Variants in GATAD2B observed in about 807,000 individuals in gnomAD.
The protein encoded by GATAD2B is transcriptional repressor p66-beta.
Under a neutral mutation model 64.3 loss-of-function variants are expected in GATAD2B, and 8 were observed. That is an observed-to-expected ratio of 0.12 (90% confidence interval 0.07 to 0.22). GATAD2B has a LOEUF of 0.22. GATAD2B is among the 10% of genes least tolerant of loss of function. The probability of loss-of-function intolerance (pLI) is 1.00; values close to 1 mark genes in which losing one functional copy is unlikely to be tolerated. For missense variants in GATAD2B, 453 were observed against 752.0 expected, an observed-to-expected ratio of 0.60 and a Z score of 4.65; for synonymous variants, 281 against 271.3, an observed-to-expected ratio of 1.04 and a Z score of -0.35.
intron 1 of GATAD2B, among the ~76,000 whole-genome samples, chr1:153,872,553 CAAA>C (rs556951338): frequency 2.1e-5 from 3 of 143,180 alleles, no homozygotes; most frequent in Non-Finnish European, 4.6e-5. Context: ...TACATAATAT[CAAA>C]AAAAAAAAAC....
intron 4 of GATAD2B, 60 bp from the exon 5 acceptor site, chr1:153,818,231 A>C: frequency 6.9e-7 from 1 of 1,457,746 alleles, no homozygotes; most frequent in Non-Finnish European, 9.3e-7. Flanking sequence ...AATTTGGTAC[A>C]TTTCTAGACT....
chr1:153,863,113 T>C (rs1292996212), intron 1 of GATAD2B, among the ~76,000 whole-genome samples: 3 of 152,156 alleles, frequency 2.0e-5, no homozygotes, highest in Non-Finnish European at 4.4e-5. Context: ...GGCTAAGGAA[T>C]CTGCATTTTT....
At chr1:153,919,912 A>G (rs1678380593) in intron 1 of GATAD2B, among the ~76,000 whole-genome samples, 1 of 152,246 alleles carries the variant, frequency 6.6e-6, no homozygotes, top group Admixed American at 6.5e-5. Context: ...AAAGTCCCTC[A>G]GTCCCAGTTA....
At chr1:153,884,871 C>T (rs557288418) in intron 1 of GATAD2B, among the ~76,000 whole-genome samples, 5 of 152,012 alleles carry the variant, frequency 3.3e-5, no homozygotes, top group African/African-American at 7.2e-5. Flanking sequence ...ATTCTCCTGC[C>T]TCAGCCTCCC....
In GATAD2B at chr1:153,870,014, G is replaced by A. The variant is rs116494188; in HGVS notation, c.-1-41666C>T. On this transcript the variant is annotated intron_variant, in intron 1 of 10. Coordinates refer to ENST00000368655, the MANE Select transcript of GATAD2B (RefSeq NM_020699.4). The stretch of plus-strand genomic sequence containing the variant: ...GGCTCTGTCATCCAGGCACAATCTC[G>A]GCTCACTGCAACCTCTGCCTCCCAG... 6.5e-3 allele frequency among the ~76,000 whole-genome samples: 983 copies of A among 151,994 alleles called. 13 individuals carry two copies. Among genetic ancestry groups the A allele is most frequent in the African/African-American group, 0.023 (939 of 41,472 alleles).
Position 153,816,246 on chromosome 1 carries a change from TAG to T in GATAD2B, c.1216+25_1216+26del. 6.6e-7 allele frequency: 1 copy of T among 1,513,392 alleles called. No individual in the cohort carries two copies. Among genetic ancestry groups the T allele is most frequent in the South Asian group, 1.1e-5 (1 of 87,534 alleles). The allele number at this position is 1,513,392 out of a possible 1,614,324, so 93.7% of individuals were successfully genotyped here. ...CAGGCTTGGCAACCACTTGCTTAAA[TAG>T]ATTGATTAGAAGAAACAGCCTTACC... is the stretch of plus-strand genomic sequence containing the variant. On this transcript the variant is annotated intron_variant, in intron 7 of 10. Transcript: ENST00000368655. The surrounding 1 kb of genome is among the most constrained non-coding windows in gnomAD (Gnocchi z 4.9).
At chr1:153,861,863 T>C (rs1221427700) in intron 1 of GATAD2B, among the ~76,000 whole-genome samples, 1 of 146,376 alleles carries the variant, frequency 6.8e-6, no homozygotes, top group African/African-American at 2.5e-5. Flanking sequence ...TATGTATATA[T>C]GTATATATAT....
chr1:153,864,046 T>C (rs927580231), intron 1 of GATAD2B, among the ~76,000 whole-genome samples: 1 of 152,204 alleles, frequency 6.6e-6, no homozygotes, highest in Non-Finnish European at 1.5e-5. Flanking sequence ...GTAATAATAA[T>C]AGGCACTAGG....
chr1:153,818,705 AC>A, intron 4 of GATAD2B, 85 bp downstream of exon 4: 2 of 1,198,740 alleles, frequency 1.7e-6, no homozygotes, highest in Non-Finnish European at 2.4e-6. Flanking sequence ...GAAATGAGCC[AC>A]CCAACTGAAC....
At chr1:153,871,542 A>G (rs1676666274) in intron 1 of GATAD2B, among the ~76,000 whole-genome samples, 1 of 151,542 alleles carries the variant, frequency 6.6e-6, no homozygotes, top group African/African-American at 2.4e-5. Flanking sequence ...AATTTATTAG[A>G]ATCGTGGATA....
intron 8 of GATAD2B, among the ~76,000 whole-genome samples, chr1:153,812,797 T>C (rs1189974263): frequency 6.6e-6 from 1 of 152,172 alleles, no homozygotes; most frequent in Non-Finnish European, 1.5e-5. Flanking sequence ...CTCTAAGATA[T>C]TCTCATCCTA....
intron 1 of GATAD2B, chr1:153,890,618 C>A (rs930714140): frequency 6.6e-6 from 1 of 151,986 alleles, no homozygotes; most frequent in Non-Finnish European, 1.5e-5. Context: ...GATGAAAAAG[C>A]GGCTGGAGTT....
chr1:153,807,616 AC>A lies in GATAD2B; in HGVS notation c.*2560del, dbSNP rs1292413329. The A allele has an allele frequency of 6.6e-6, 1 of 152,580 alleles. No individual in the cohort carries two copies. The highest frequency in any genetic ancestry group is 1.5e-5 in the Non-Finnish European group (1 of 68,076). 9.5% of individuals were successfully genotyped at this position (152,580 alleles called of 1,614,324 possible). A position where few individuals can be genotyped will look rare whatever the true frequency, so the allele number is the denominator to read the frequency against. On this transcript the variant is annotated 3_prime_UTR_variant, in exon 11 of 11. Transcript: ENST00000368655. ...GGAAGATTCCACCATCTCCCCTGTG[AC>A]CTCAGCACCTAAGCAGGCACTCGAC...
intron 1 of GATAD2B, among the ~76,000 whole-genome samples, chr1:153,847,148 G>A (rs991117948): frequency 6.6e-6 from 1 of 151,900 alleles, no homozygotes; most frequent in Non-Finnish European, 1.5e-5. Context: ...TGTATTTTTA[G>A]TGGAGACAGG....
At chr1:153,919,174 G>C (rs1346146799) in intron 1 of GATAD2B, among the ~76,000 whole-genome samples, 4 of 152,194 alleles carry the variant, frequency 2.6e-5, no homozygotes, top group Non-Finnish European at 5.9e-5. Context: ...AGTAACGAAT[G>C]ATGTGTTCTT....
chr1:153,819,679 T>C lies in GATAD2B; in HGVS notation c.392A>G (p.Asn131Ser), dbSNP rs1430189525. Residue 131 changes from asparagine (N) to serine (S), a missense_variant, in exon 3 of 11, where the codon AAT (asparagine) becomes AGT (serine). By Grantham distance (46) the Asn-to-Ser change is conservative. Coordinates refer to ENST00000368655, the MANE Select transcript of GATAD2B (RefSeq NM_020699.4). Reference sequence around the variant, plus strand: ...ACTGGAACGGGGACTGGAAGCCTCATTGTCAGACAAAACAATGATGTCTGG... The same window carrying C: ...ACTGGAACGGGGACTGGAAGCCTCACTGTCAGACAAAACAATGATGTCTGG... ...PSPDIIVLSD[N>S]EASSPRSSSR... The C allele has an allele frequency of 9.3e-6, 15 of 1,611,428 alleles. No individual in the cohort carries two copies. Among genetic ancestry groups the C allele is most frequent in the African/African-American group, 1.3e-5 (1 of 74,826 alleles).
At chr1:153,912,857 T>C (rs1678145694) in intron 1 of GATAD2B, among the ~76,000 whole-genome samples, 1 of 151,094 alleles carries the variant, frequency 6.6e-6, no homozygotes, top group Non-Finnish European at 1.5e-5. Context: ...CTTTGGGAGG[T>C]CGAGGCAGGC....
rs1355316703 is a variant in GATAD2B at position 153,806,190 on chromosome 1, T to C, written c.*3987A>G. Reference sequence around the variant, plus strand: ...AATTACAATTCATAATAATACTTGGTTTCGATGCCCCCGGGAACTGCCCCA... The same window carrying C: ...AATTACAATTCATAATAATACTTGGCTTCGATGCCCCCGGGAACTGCCCCA... On this transcript the variant is annotated 3_prime_UTR_variant, in exon 11 of 11. Transcript: ENST00000368655. 2 of 152,216 alleles carry C rather than the reference T, an allele frequency of 1.3e-5. No individual in the cohort carries two copies. The highest frequency in any genetic ancestry group is 2.4e-5 in the African/African-American group (1 of 41,426). The allele number at this position is 152,216 out of a possible 1,614,324, so 9.4% of individuals were successfully genotyped here.
chr1:153,884,445 A>C (rs1677104249), intron 1 of GATAD2B, among the ~76,000 whole-genome samples: 1 of 151,740 alleles, frequency 6.6e-6, no homozygotes, highest in Non-Finnish European at 1.5e-5. Context: ...TCCACCTCAA[A>C]AAAAAAATTA....
Sources: allele counts gnomAD v4.1 joint callset (sites outside exome capture counted in the v4.1 genomes callset), GRCh38; gene constraint gnomAD v4.1.1; non-coding constraint Gnocchi (gnomAD v3.1); transcripts MANE v1.5; gene names NCBI Gene and HGNC (gene_info 2026-07-23, HGNC 2026-07-21).